The following LMTK2 variants were observed in gnomAD, a reference collection of about 807,000 sequenced individuals.
The protein encoded by LMTK2 is serine/threonine-protein kinase LMTK2.
Under a neutral mutation model 127.5 loss-of-function variants are expected in LMTK2, and 37 were observed. The ratio of observed to expected loss-of-function variants is 0.29; its 90% CI spans 0.22 to 0.38. The LOEUF is 0.38. Among genes scored for constraint, LMTK2 ranks in the 10% least tolerant of loss-of-function variants. The pLI is 1.00. For synonymous variants in LMTK2, 819 were observed against 810.1 expected, an observed-to-expected ratio of 1.01 and a Z score of -0.19; for missense variants, 1,694 against 1,920.3, an observed-to-expected ratio of 0.88 and a Z score of 2.20.
At chr7:98,132,108 A>G (rs1796528027) in intron 1 of LMTK2, among the ~76,000 whole-genome samples, 1 of 152,192 alleles carries the variant, frequency 6.6e-6, no homozygotes, top group African/African-American at 2.4e-5. Flanking sequence ...CCTGCTTGCC[A>G]AAGACAGGAC....
rs182250007 is a variant in LMTK2, at chr7:98,155,067, T to G, written c.569+191T>G. Among the ~76,000 whole-genome samples, 17 of 152,310 alleles carry G rather than the reference T, an allele frequency of 1.1e-4. No individual in the cohort carries two copies. The East Asian group carries it at 2.9e-3, about 26-fold the overall frequency. ...TTCCAAGAACCAGGAGAACTCAGCC[T>G]AAACCAGAAAAGACAACAGATTCCA... On this transcript the variant is annotated intron_variant, in intron 5 of 13. Coordinates refer to ENST00000297293, the MANE Select transcript of LMTK2 (RefSeq NM_014916.4).
intron 1 of LMTK2, among the ~76,000 whole-genome samples, chr7:98,109,105 C>T (rs1307133648): frequency 2.6e-5 from 4 of 151,994 alleles, no homozygotes; most frequent in African/African-American, 4.8e-5. Flanking sequence ...GTGATTCACC[C>T]GCCTCAGCCT....
In LMTK2 at chr7:98,140,141, TC is replaced by T. The variant is rs1562902669; in HGVS notation, c.232-1255del. 1.2e-3 allele frequency among the ~76,000 whole-genome samples: 3 copies of T among 2,482 alleles called. 1 individual carries two copies. Among genetic ancestry groups the T allele is most frequent in the African/African-American group, 2.1e-3 (3 of 1,404 alleles). 1.6% of individuals were successfully genotyped at this position (2,482 alleles called of 152,430 possible). A position where few individuals can be genotyped will look rare whatever the true frequency, so the allele number is the denominator to read the frequency against. ...TTCTTTCTTTCTTTCTTTCTTTCTT[TC>T]TTTTCTTTTCTTTTCTTTTCTTTTC... is the stretch of plus-strand genomic sequence containing the variant. On this transcript the variant is annotated intron_variant, in intron 2 of 13. Transcript: ENST00000297293.
chr7:98,148,546 C>G (rs924671576), intron 3 of LMTK2, among the ~76,000 whole-genome samples: 2 of 151,240 alleles, frequency 1.3e-5, no homozygotes, highest in African/African-American at 4.9e-5. Flanking sequence ...AAAATAAAGT[C>G]TTGTCTAATA....
chr7:98,137,459 G>A lies in LMTK2; in HGVS notation c.231+17G>A. On this transcript the variant is annotated intron_variant, in intron 2 of 13. Coordinates refer to ENST00000297293, the MANE Select transcript of LMTK2 (RefSeq NM_014916.4). ...GACTTTAAGGTGAGCACAGAGGGTA[G>A]GAACATTTAAAATGGTCTTCCAATA... is the stretch of plus-strand genomic sequence containing the variant. 6.3e-7 allele frequency: 1 copy of A among 1,599,926 alleles called. No individual in the cohort carries two copies. Among genetic ancestry groups the A allele is most frequent in the South Asian group, 1.1e-5 (1 of 88,024 alleles).
intron 3 of LMTK2, among the ~76,000 whole-genome samples, chr7:98,142,338 C>T (rs1796710992): frequency 6.6e-6 from 1 of 152,104 alleles, no homozygotes; most frequent in Non-Finnish European, 1.5e-5. Flanking sequence ...AAGAAAAAGC[C>T]AGATGGAACG....
At chr7:98,140,902 A>C (rs1362249428) in intron 2 of LMTK2, among the ~76,000 whole-genome samples, 1 of 150,946 alleles carries the variant, frequency 6.6e-6, no homozygotes, top group Non-Finnish European at 1.5e-5. Flanking sequence ...AAAAAAATTC[A>C]AAAAATTACC....
At chr7:98,144,255 T>G (rs1011720630) in intron 3 of LMTK2, among the ~76,000 whole-genome samples, 23 of 151,594 alleles carry the variant, frequency 1.5e-4, no homozygotes, top group African/African-American at 3.9e-4. Flanking sequence ...ACGGTGAAAC[T>G]CCGTCTCTAC....
intron 1 of LMTK2, chr7:98,126,648 C>T (rs1461504025): frequency 6.6e-6 from 1 of 152,180 alleles, no homozygotes; most frequent in Non-Finnish European, 1.5e-5. Context: ...TAGTAGTCTC[C>T]ATCCTAGTTA....
chr7:98,123,127 GGCAACGCCCTGCA>G (rs568033997), intron 1 of LMTK2, among the ~76,000 whole-genome samples: 1,627 of 152,312 alleles, frequency 0.011, 12 homozygotes, highest in Non-Finnish European at 0.015. Flanking sequence ...GGCTCCCAGT[GGCAACGCCCTGCA>G]GCTCTTTTAG....
chr7:98,180,201 A>T (rs950987640), intron 7 of LMTK2, among the ~76,000 whole-genome samples: 3 of 152,250 alleles, frequency 2.0e-5, no homozygotes, highest in Non-Finnish European at 2.9e-5. Flanking sequence ...TGCTGTCATC[A>T]TCTCCATTAT....
intron 4 of LMTK2, among the ~76,000 whole-genome samples, chr7:98,152,763 T>C (rs930598960): frequency 3.3e-5 from 5 of 152,082 alleles, no homozygotes; most frequent in African/African-American, 9.7e-5. Flanking sequence ...GTAATTGAGT[T>C]ACCTTTTTAA....
intron 9 of LMTK2, among the ~76,000 whole-genome samples, chr7:98,188,169 T>G (rs76307067): frequency 3.7e-4 from 57 of 152,264 alleles, no homozygotes; most frequent in African/African-American, 1.3e-3. Context: ...TCCCCTTCCC[T>G]GCCTCAAGTA....
intron 3 of LMTK2, among the ~76,000 whole-genome samples, 189 bp downstream of exon 3, chr7:98,141,730 T>C (rs562843957): frequency 6.6e-6 from 1 of 152,320 alleles, no homozygotes; most frequent in African/African-American, 2.4e-5. Context: ...GTCTTCTGCT[T>C]TCTGGACCCT....
Position 98,205,799 on chromosome 7 carries a change from G to C in LMTK2, c.*307G>C. 8.1e-6 allele frequency: 4 copies of C among 493,028 alleles called. No homozygotes were observed. Among genetic ancestry groups the C allele is most frequent in the Non-Finnish European group, 1.5e-5 (4 of 269,352 alleles). 30.5% of individuals were successfully genotyped at this position (493,028 alleles called of 1,614,324 possible). On this transcript the variant is annotated 3_prime_UTR_variant, in exon 14 of 14. Transcript: ENST00000297293. ...AGGCAGGGGCACAGCCTCCATGTGCGCGCGCGTGTGGAGCTGTGTGCACCG... is the reference window on the plus strand; with the variant it reads ...AGGCAGGGGCACAGCCTCCATGTGCCCGCGCGTGTGGAGCTGTGTGCACCG...
At chr7:98,140,123 T>A (rs140084937) in intron 2 of LMTK2, among the ~76,000 whole-genome samples, 1 of 5,104 alleles carries the variant, frequency 2.0e-4, no homozygotes. Context: ...TCTTTCTTTC[T>A]TTCTTTCTTT....
chr7:98,192,915 C>G lies in LMTK2; in HGVS notation c.2450C>G (p.Pro817Arg). ...LQSSPEVQVP[P>R]TSFETEETPR... Reference sequence around the variant, plus strand: ...TCTTCCCCGGAAGTGCAGGTACCTCCTACCTCCTTCGAAACAGAAGAAACG... The same window carrying G: ...TCTTCCCCGGAAGTGCAGGTACCTCGTACCTCCTTCGAAACAGAAGAAACG... Residue 817 changes from proline (P) to arginine (R), a missense_variant, in exon 11 of 14, where the codon CCT (proline) becomes CGT (arginine). This residue lies in a region of LMTK2 where 527 missense variants were observed against 539.8 expected (regional missense o/e 0.98). Transcript: ENST00000297293. 1.2e-6 allele frequency: 2 copies of G among 1,613,992 alleles called. No individual in the cohort carries two copies. Among genetic ancestry groups the G allele is most frequent in the Non-Finnish European group, 1.7e-6 (2 of 1,179,860 alleles).
At chr7:98,204,297 G>C in intron 13 of LMTK2, 111 bp downstream of exon 13, 1 of 1,387,200 alleles carries the variant, frequency 7.2e-7, no homozygotes, top group Non-Finnish European at 9.8e-7. Flanking sequence ...CTTCACATTT[G>C]CTGAGTAGAT....
chr7:98,184,743 A>G (rs1002167344), intron 7 of LMTK2, among the ~76,000 whole-genome samples: 5 of 152,198 alleles, frequency 3.3e-5, no homozygotes, highest in Non-Finnish European at 5.9e-5. Context: ...AAAAAAAAAG[A>G]AAAGAAAAGA....
Sources: allele counts gnomAD v4.1 joint callset (sites outside exome capture counted in the v4.1 genomes callset), GRCh38; gene constraint gnomAD v4.1.1; regional missense constraint gnomAD v4.1.1; transcripts MANE v1.5; gene names NCBI Gene and HGNC (gene_info 2026-07-23, HGNC 2026-07-21).